Variants in DOCK3 observed in about 807,000 individuals in gnomAD.
DOCK3 encodes the protein dedicator of cytokinesis protein 3.
Under a neutral mutation model 265.6 loss-of-function variants are expected in DOCK3, and 60 were observed. The observed-to-expected ratio is 0.23, with a 90% confidence interval of 0.18 to 0.28. The LOEUF (loss-of-function observed/expected upper bound fraction) is 0.28. Among genes scored for constraint, DOCK3 ranks in the 10% least tolerant of loss-of-function variants. The pLI is 1.00. For missense variants in DOCK3, 1,981 were observed against 2,594.3 expected (o/e 0.76, Z 5.14); for synonymous variants, 881 against 938.0 (o/e 0.94, Z 1.11).
At chr3:50,848,321 G>A (rs971013212) in intron 3 of DOCK3, among the ~76,000 whole-genome samples, 7 of 152,124 alleles carry the variant, frequency 4.6e-5, no homozygotes. Flanking sequence ...ACTGATATGC[G>A]ATGTTTTGAT....
chr3:51,208,456 G>A (rs1259037845), intron 12 of DOCK3, among the ~76,000 whole-genome samples: 1 of 152,194 alleles, frequency 6.6e-6, no homozygotes, highest in Non-Finnish European at 1.5e-5. Context: ...TCTGGGGCCT[G>A]TTTATATGTC....
intron 32 of DOCK3, 87 bp downstream of exon 32, chr3:51,315,215 T>C: frequency 6.9e-7 from 1 of 1,439,370 alleles, no homozygotes; most frequent in African/African-American, 1.4e-5. Flanking sequence ...GCCATGATTC[T>C]AGTGGGGATG....
intron 2 of DOCK3, among the ~76,000 whole-genome samples, chr3:50,792,087 A>G (rs987717072): frequency 6.7e-6 from 1 of 149,418 alleles, no homozygotes; most frequent in African/African-American, 2.5e-5. Context: ...CTCTGTTAGC[A>G]TGAAATATTT....
At chr3:50,719,446 G>A (rs2037341665) in intron 1 of DOCK3, 2 of 665,576 alleles carry the variant, frequency 3.0e-6, no homozygotes, top group Non-Finnish European at 5.3e-6. Context: ...CGGAAGGAAT[G>A]GTCTGATGGT....
At chr3:50,887,322 G>A (rs1423328102) in intron 3 of DOCK3, among the ~76,000 whole-genome samples, 1 of 148,142 alleles carries the variant, frequency 6.8e-6, no homozygotes, top group South Asian at 2.2e-4. Flanking sequence ...GGAAGAAGTC[G>A]AATCCCTGAA....
At chr3:50,916,698 A>C (rs1362310435) in intron 4 of DOCK3, among the ~76,000 whole-genome samples, 1 of 151,782 alleles carries the variant, frequency 6.6e-6, no homozygotes, top group African/African-American at 2.4e-5. Flanking sequence ...AATCCCAGCT[A>C]TTCAGGAGGC....
chr3:50,925,824 C>CTTTTTTTTTTTTTTTTTTTTTTTT (rs368819970), intron 4 of DOCK3, among the ~76,000 whole-genome samples: 3 of 88,428 alleles, frequency 3.4e-5, no homozygotes, highest in African/African-American at 1.5e-4. Flanking sequence ...TAAAACTAGT[C>CTTTTTTTTTTTTTTTTTTTTTTTT]TTTTTTTTTT....
At chr3:51,151,330 AT>A (rs952538835) in intron 10 of DOCK3, among the ~76,000 whole-genome samples, 1 of 152,080 alleles carries the variant, frequency 6.6e-6, no homozygotes, top group Non-Finnish European at 1.5e-5. Flanking sequence ...CAATATTGTT[AT>A]GTGTGACCTG....
chr3:51,171,616 C>T (rs1389523908), intron 12 of DOCK3, among the ~76,000 whole-genome samples: 1 of 150,746 alleles, frequency 6.6e-6, no homozygotes, highest in African/African-American at 2.4e-5. Context: ...ACTCAGGGGG[C>T]TGAGGCAGGA....
intron 51 of DOCK3, among the ~76,000 whole-genome samples, chr3:51,376,718 G>C (rs1352656479): frequency 6.6e-6 from 1 of 152,196 alleles, no homozygotes; most frequent in Non-Finnish European, 1.5e-5. Context: ...CTCCAAAGCT[G>C]TCATCATCAC....
rs2078696812 is a variant in DOCK3, at chr3:51,243,389, CT to C, written c.2103-3334del. 2.0e-5 allele frequency among the ~76,000 whole-genome samples: 3 copies of C among 152,012 alleles called. No individual in the cohort carries two copies. The South Asian group carries it at 6.2e-4, about 32-fold the overall frequency. ...AGTTGCTTCTTAATAGTTCACTCAC[CT>C]TTCCTCCAGAGCCATCGAGGGCCAG... On this transcript the variant is annotated intron_variant, in intron 21 of 52. Coordinates refer to ENST00000266037, the MANE Select transcript of DOCK3 (RefSeq NM_004947.5).
chr3:50,877,234 C>T (rs144649664), intron 3 of DOCK3: 40 of 331,640 alleles, frequency 1.2e-4, no homozygotes, highest in African/African-American at 2.8e-4. Context: ...CATGATCTTA[C>T]GGAGCCTTCT....
intron 1 of DOCK3, among the ~76,000 whole-genome samples, chr3:50,689,886 G>A (rs1400661455): frequency 6.6e-6 from 1 of 152,098 alleles, no homozygotes; most frequent in Non-Finnish European, 1.5e-5. Flanking sequence ...TTATCAGATA[G>A]GTGACTTGGA....
At chr3:50,964,953 A>G (rs144175079) in intron 5 of DOCK3, among the ~76,000 whole-genome samples, 162 of 152,260 alleles carry the variant, frequency 1.1e-3, no homozygotes, top group African/African-American at 3.8e-3. Context: ...TTAGATTTCT[A>G]TACCCACTGA....
At chr3:50,791,136 C>A (rs2042454597) in intron 2 of DOCK3, among the ~76,000 whole-genome samples, 1 of 151,842 alleles carries the variant, frequency 6.6e-6, no homozygotes, top group African/African-American at 2.4e-5. Flanking sequence ...CAATGTTTGC[C>A]TTTGTTGTGA....
At position 51,382,700 on chromosome 3, in the gene DOCK3, T is replaced by A. The variant is rs554740040; in HGVS notation, c.*1141T>A. 5 of 152,656 alleles carry A rather than the reference T, an allele frequency of 3.3e-5. No individual in the cohort carries two copies. Among genetic ancestry groups the A allele is most frequent in the African/African-American group, 1.2e-4 (5 of 41,574 alleles). The allele number at this position is 152,656 out of a possible 1,614,324, so 9.5% of individuals were successfully genotyped here. On this transcript the variant is annotated 3_prime_UTR_variant, in exon 53 of 53. Transcript: ENST00000266037. Reference sequence around the variant, plus strand: ...GCAGGTAGAATTGTCATCTCCCAAGTGGCCACATACAGCAACCCACTCCAG... The same window carrying A: ...GCAGGTAGAATTGTCATCTCCCAAGAGGCCACATACAGCAACCCACTCCAG...
At chr3:51,253,483 A>G (rs1477290638) in intron 22 of DOCK3, among the ~76,000 whole-genome samples, 1 of 152,106 alleles carries the variant, frequency 6.6e-6, no homozygotes, top group East Asian at 1.9e-4. Context: ...GGCTGTGAAT[A>G]CGTCTAGTCC....
chr3:50,835,771 C>T (rs149923497), intron 2 of DOCK3, among the ~76,000 whole-genome samples: 73 of 152,222 alleles, frequency 4.8e-4, no homozygotes, highest in African/African-American at 1.7e-3. Context: ...AAAAGGGAAA[C>T]CTTATGGAAC....
At chr3:51,102,343 C>G (rs2083120478) in intron 9 of DOCK3, among the ~76,000 whole-genome samples, 1 of 152,218 alleles carries the variant, frequency 6.6e-6, no homozygotes, top group African/African-American at 2.4e-5. Context: ...ATATTTTAAT[C>G]TTCACATGGA....
Sources: allele counts gnomAD v4.1 joint callset (sites outside exome capture counted in the v4.1 genomes callset), GRCh38; gene constraint gnomAD v4.1.1; transcripts MANE v1.5; gene names NCBI Gene and HGNC (gene_info 2026-07-23, HGNC 2026-07-21).